Variants in ARHGEF33 observed in about 807,000 individuals in gnomAD.
ARHGEF33 encodes the protein Rho guanine nucleotide exchange factor 33.
A neutral mutation model predicts 101.9 loss-of-function variants in ARHGEF33; 72 were observed. The observed-to-expected ratio is 0.71, with a 90% confidence interval of 0.58 to 0.86. ARHGEF33 has a LOEUF of 0.86. Among genes scored for constraint, ARHGEF33 ranks in the 40% least tolerant of loss-of-function variants. The pLI is 0.00. For missense variants in ARHGEF33, 1,169 were observed against 1,111.3 expected (o/e 1.05, Z -0.74); for synonymous variants, 499 against 442.5 (o/e 1.13, Z -1.60).
chr2:38,898,735 G>GCTT (rs1666175756), intron 2 of ARHGEF33, among the ~76,000 whole-genome samples: 1 of 151,928 alleles, frequency 6.6e-6, no homozygotes, highest in African/African-American at 2.4e-5. Flanking sequence ...AAAGTCTCAA[G>GCTT]GATATTTCAC....
Position 38,913,445 on chromosome 2 carries a change from A to C in ARHGEF33, c.-85-5918A>C, listed in dbSNP as rs371157813. On this transcript the variant is annotated intron_variant, in intron 2 of 17. Transcript: ENST00000409978. ...ACTTCCAATTCGTTATGGCTAACATAAGCTTAATGACAAAATAAAATAGAA... is the reference window on the plus strand; with the variant it reads ...ACTTCCAATTCGTTATGGCTAACATCAGCTTAATGACAAAATAAAATAGAA... Among the ~76,000 whole-genome samples the C allele has an allele frequency of 1.2e-4, 18 of 152,270 alleles. No individual in the cohort carries two copies. The East Asian group carries it at 3.1e-3, about 26-fold the overall frequency.
chr2:38,966,194 C>T lies in ARHGEF33; in HGVS notation c.2483+49C>T, dbSNP rs977813640. The T allele has an allele frequency of 8.5e-6, 13 of 1,534,600 alleles. No individual in the cohort carries two copies. The Admixed American group carries it at 1.5e-4, about 17-fold the overall frequency. ...GCATTGTAACTCATTTCCCTTTGGG[C>T]TAAATCTTGAGGTTTTAACAATAAT... On this transcript the variant is annotated intron_variant, in intron 17 of 17. Coordinates refer to ENST00000409978, the MANE Select transcript of ARHGEF33 (RefSeq NM_001145451.5).
chr2:38,949,020 T>C (rs1221761582), intron 10 of ARHGEF33, among the ~76,000 whole-genome samples: 1 of 151,960 alleles, frequency 6.6e-6, no homozygotes, highest in Non-Finnish European at 1.5e-5. Flanking sequence ...GTGGAGGGAG[T>C]GGAAGATGGG....
At chr2:38,894,664 G>T (rs1351285621) in intron 1 of ARHGEF33, among the ~76,000 whole-genome samples, 1 of 152,158 alleles carries the variant, frequency 6.6e-6, no homozygotes, top group African/African-American at 2.4e-5. Flanking sequence ...TGTTCAGCCA[G>T]CAGGAACGAG....
chr2:38,931,180 TC>T lies in ARHGEF33; in HGVS notation c.435del (p.Asn146IlefsTer32). The part of the protein sequence containing the change: ...AQAQGSPFRS[I>X]NIPEPVLPSE... The stretch of plus-strand genomic sequence containing the variant: ...GCACAAGGAAGTCCTTTTCGTTCTA[TC>T]AATATCCCTGAGCCTGTTCTTCCAA... On this transcript the variant is annotated frameshift_variant, in exon 7 of 18. Transcript: ENST00000409978. LOFTEE classifies it high-confidence loss of function. 1 of 1,551,662 alleles carries T rather than the reference TC, an allele frequency of 6.4e-7. No individual in the cohort carries two copies. The highest frequency in any genetic ancestry group is 8.7e-7 in the Non-Finnish European group (1 of 1,146,946).
intron 9 of ARHGEF33, among the ~76,000 whole-genome samples, chr2:38,943,030 C>A (rs1667352550): frequency 6.6e-6 from 1 of 152,170 alleles, no homozygotes; most frequent in South Asian, 2.1e-4. Flanking sequence ...TGGGTTCAAG[C>A]AATCCTCCTG....
At position 38,931,093 on chromosome 2, in the gene ARHGEF33, T is replaced by C; in HGVS notation, c.363-16T>C. On this transcript the variant is annotated splice_polypyrimidine_tract_variant and intron_variant, in intron 6 of 17. Coordinates refer to ENST00000409978, the MANE Select transcript of ARHGEF33 (RefSeq NM_001145451.5). The stretch of plus-strand genomic sequence containing the variant: ...TTAAGAACCAGAATAGCCTTGTCTT[T>C]GTTTCTCTTTCCTAGGAAAACTCAA... The C allele has an allele frequency of 6.5e-7, 1 of 1,538,880 alleles. No homozygotes were observed. The highest frequency in any genetic ancestry group is 8.7e-7 in the Non-Finnish European group (1 of 1,142,924).
At position 38,958,074 on chromosome 2, in the gene ARHGEF33, T is replaced by G. The variant is rs1558442900; in HGVS notation, c.1411T>G (p.Cys471Gly). ...GCTGTACAAAGGGCTGGCTTCCCAG[T>G]GTGCCAATGCTGGGCAAGATGCTTC... ...AKLYKGLASQ[C>G]ANAGQDASPT... The change falls in exon 15 of 18, where the codon TGT becomes GGT. Residue 471 changes from cysteine (C) to glycine (G), a missense_variant. Physicochemically the swap from Cys to Gly is radical, Grantham distance 159. Coordinates refer to ENST00000409978, the MANE Select transcript of ARHGEF33 (RefSeq NM_001145451.5). 1 of 1,552,256 alleles carries G rather than the reference T, an allele frequency of 6.4e-7. No homozygotes were observed.
intron 4 of ARHGEF33, 89 bp downstream of exon 4, chr2:38,921,512 A>G (rs1205896313): frequency 1.1e-6 from 1 of 901,884 alleles, no homozygotes; most frequent in Non-Finnish European, 1.8e-6. Context: ...AGCACTCACA[A>G]GTGCTTCCAC....
At chr2:38,940,862 A>G (rs1298465070) in intron 9 of ARHGEF33, among the ~76,000 whole-genome samples, 2 of 152,198 alleles carry the variant, frequency 1.3e-5, no homozygotes, top group African/African-American at 2.4e-5. Context: ...GCAGGGGGTT[A>G]TGCAGATGAA....
chr2:38,973,689 C>CT (rs1213273847), intron 17 of ARHGEF33, 25 bp from the exon 18 acceptor site: 2 of 1,505,166 alleles, frequency 1.3e-6, no homozygotes, highest in Admixed American at 2.2e-5. Flanking sequence ...TCAACCTGTA[C>CT]TTTATCTGTG....
intron 10 of ARHGEF33, among the ~76,000 whole-genome samples, chr2:38,945,290 T>A (rs895841952): frequency 6.6e-6 from 1 of 152,192 alleles, no homozygotes; most frequent in African/African-American, 2.4e-5. Context: ...CTGCCAACAA[T>A]ACACTCAAAA....
intron 17 of ARHGEF33, among the ~76,000 whole-genome samples, chr2:38,968,912 G>A (rs1266749025): frequency 6.6e-6 from 1 of 152,170 alleles, no homozygotes; most frequent in East Asian, 1.9e-4. Flanking sequence ...GTTTTCATAT[G>A]AGGACCATGG....
chr2:38,918,707 G>A (rs1666689636), intron 2 of ARHGEF33, among the ~76,000 whole-genome samples: 1 of 152,138 alleles, frequency 6.6e-6, no homozygotes, highest in African/African-American at 2.4e-5. Context: ...AGAAACAGAT[G>A]TATTGGCCTT....
intron 7 of ARHGEF33, among the ~76,000 whole-genome samples, chr2:38,933,079 C>G (rs1667042991): frequency 6.6e-6 from 1 of 152,192 alleles, no homozygotes; most frequent in African/African-American, 2.4e-5. Flanking sequence ...CTTAAAATAG[C>G]AAACATTCAT....
chr2:38,973,312 GT>G (rs1443438771), intron 17 of ARHGEF33: 1 of 152,840 alleles, frequency 6.5e-6, no homozygotes, highest in Non-Finnish European at 1.5e-5. Context: ...GCCAAATTCA[GT>G]GAAGGTCCTT....
intron 9 of ARHGEF33, among the ~76,000 whole-genome samples, chr2:38,942,700 C>G (rs1265757620): frequency 6.6e-6 from 1 of 152,028 alleles, no homozygotes; most frequent in African/African-American, 2.4e-5. Context: ...TGCATTGTCT[C>G]TGTTTCTTCA....
At chr2:38,895,989 C>T (rs1418355735) in intron 2 of ARHGEF33, 140 bp downstream of exon 2, 1 of 152,018 alleles carries the variant, frequency 6.6e-6, no homozygotes, top group Admixed American at 6.6e-5. Context: ...GGTTTGATAA[C>T]CATCAAATAA....
At chr2:38,898,185 T>A (rs1220922360) in intron 2 of ARHGEF33, among the ~76,000 whole-genome samples, 2 of 152,276 alleles carry the variant, frequency 1.3e-5, no homozygotes, top group African/African-American at 2.4e-5. Context: ...TTGGAGGGGA[T>A]CATTGACTAA....
Sources: gnomAD v4.1 joint callset for allele counts (sites outside exome capture counted in the v4.1 genomes callset) on GRCh38, gnomAD v4.1.1 for gene constraint, MANE v1.5 for transcripts, NCBI Gene and HGNC (gene_info 2026-07-23, HGNC 2026-07-21) for gene names.